The following NMNAT3 variants were observed in gnomAD, a reference collection of about 807,000 sequenced individuals.
NMNAT3 encodes nicotinamide/nicotinic acid mononucleotide adenylyltransferase 3.
A neutral mutation model predicts 24.8 loss-of-function variants in NMNAT3; 21 were observed. The ratio of observed to expected loss-of-function variants is 0.85; its 90% CI spans 0.60 to 1.22. The LOEUF is 1.22. Among genes scored for constraint, NMNAT3 ranks in the 50% most tolerant of loss-of-function variants. The probability of loss-of-function intolerance (pLI) is 0.00; values close to 1 mark genes in which losing one functional copy is unlikely to be tolerated. For missense variants in NMNAT3, 387 were observed against 436.6 expected (o/e 0.89, Z 1.01); for synonymous variants, 136 against 155.2 (o/e 0.88, Z 0.92).
chr3:139,596,916 G>GTGTATGTATATATATA (rs1393197797), intron 3 of NMNAT3, among the ~76,000 whole-genome samples: 1 of 97,164 alleles, frequency 1.0e-5, no homozygotes, highest in Non-Finnish European at 2.1e-5. Flanking sequence ...TGTCATGTGT[G>GTGTATGTATATATATA]TATATATATA....
chr3:139,601,740 T>C (rs1164075506), intron 3 of NMNAT3, among the ~76,000 whole-genome samples: 3 of 152,062 alleles, frequency 2.0e-5, no homozygotes, highest in African/African-American at 7.2e-5. Context: ...TTGGACAGTC[T>C]CCAGATGGGT....
At chr3:139,628,039 C>A (rs954194835) in intron 2 of NMNAT3, among the ~76,000 whole-genome samples, 1 of 152,140 alleles carries the variant, frequency 6.6e-6, no homozygotes, top group Non-Finnish European at 1.5e-5. Context: ...GGACTGGAAC[C>A]AAGGCAGCCT....
At chr3:139,631,299 C>A (rs2056287000) in intron 2 of NMNAT3, among the ~76,000 whole-genome samples, 1 of 152,110 alleles carries the variant, frequency 6.6e-6, no homozygotes, top group African/African-American at 2.4e-5. Context: ...CCTCCCAAGC[C>A]AAACCCAGCG....
At chr3:139,623,325 C>T (rs1238583102) in intron 3 of NMNAT3, among the ~76,000 whole-genome samples, 1 of 152,112 alleles carries the variant, frequency 6.6e-6, no homozygotes, top group Non-Finnish European at 1.5e-5. Context: ...ACATCTTGTC[C>T]CACTAGAAGG....
intron 1 of NMNAT3, among the ~76,000 whole-genome samples, chr3:139,662,313 T>G (rs1333445103): frequency 3.3e-5 from 5 of 152,118 alleles, no homozygotes; most frequent in African/African-American, 1.2e-4. Context: ...ATGGGCTGTT[T>G]GACCCATCAG....
At chr3:139,624,516 C>T (rs921314124) in intron 3 of NMNAT3, among the ~76,000 whole-genome samples, 1 of 151,572 alleles carries the variant, frequency 6.6e-6, no homozygotes, top group Admixed American at 6.6e-5. Context: ...GGCACGATCT[C>T]GGCTCACTGC....
In NMNAT3 at chr3:139,583,198, T is replaced by C; in HGVS notation, c.120A>G (p.Glu40=). 1.7e-6 allele frequency: 2 copies of C among 1,208,392 alleles called. No homozygotes were observed. Among genetic ancestry groups the C allele is most frequent in the Admixed American group, 1.8e-5 (1 of 56,790 alleles). The allele number at this position is 1,208,392 out of a possible 1,614,324, so 74.9% of individuals were successfully genotyped here. Residue 40 remains glutamate (E), a synonymous_variant, in exon 4 of 7, where the codon GAA becomes GAG. Coordinates refer to ENST00000643695, the MANE Select transcript of NMNAT3 (RefSeq NM_001320510.2). ...AAACAAGTGCAACTTCATGGTCCTTTTCTTCATATTCTGGAATACAAGAAA... is the reference window on the plus strand; with the variant it reads ...AAACAAGTGCAACTTCATGGTCCTTCTCTTCATATTCTGGAATACAAGAAA...
At chr3:139,579,161 G>GA in intron 4 of NMNAT3, 106 bp from the exon 5 acceptor site, 1 of 881,814 alleles carries the variant, frequency 1.1e-6, no homozygotes, top group Non-Finnish European at 1.8e-6. Context: ...ATCCTGAGTG[G>GA]TAGTAGACTC....
At chr3:139,572,169 C>T (rs914897313) in intron 6 of NMNAT3, 1 of 398,792 alleles carries the variant, frequency 2.5e-6, no homozygotes, top group Non-Finnish European at 4.4e-6. Context: ...CTGTTCTCAG[C>T]CTGAGCCCAG....
At chr3:139,626,952 A>G (rs981125113) in intron 3 of NMNAT3, among the ~76,000 whole-genome samples, 10 of 152,210 alleles carry the variant, frequency 6.6e-5, no homozygotes, top group African/African-American at 2.4e-4. Context: ...ATACAAGTAA[A>G]TAATTTCATA....
chr3:139,626,672 A>T (rs2056064430), intron 3 of NMNAT3, among the ~76,000 whole-genome samples: 2 of 152,154 alleles, frequency 1.3e-5, no homozygotes, highest in South Asian at 4.1e-4. Context: ...TATTACTACC[A>T]GTACAGTCCT....
intron 1 of NMNAT3, among the ~76,000 whole-genome samples, chr3:139,675,143 C>CACACACAA (rs1458773383): frequency 6.6e-6 from 1 of 151,718 alleles, no homozygotes; most frequent in Non-Finnish European, 1.5e-5. Context: ...CATACACACA[C>CACACACAA]ACACACACAC....
intron 3 of NMNAT3, chr3:139,599,415 G>C (rs927774778): frequency 5.7e-6 from 4 of 702,202 alleles, no homozygotes; most frequent in Non-Finnish European, 1.0e-5. Context: ...TTCTTCCCTT[G>C]GTTGTGTTGG....
At chr3:139,664,010 G>C (rs982221261) in intron 1 of NMNAT3, among the ~76,000 whole-genome samples, 1 of 152,156 alleles carries the variant, frequency 6.6e-6, no homozygotes, top group African/African-American at 2.4e-5. Flanking sequence ...TAAGGATTAA[G>C]GTCTCTTTGT....
chr3:139,618,348 T>G (rs1032116482), intron 3 of NMNAT3, among the ~76,000 whole-genome samples: 1 of 152,212 alleles, frequency 6.6e-6, no homozygotes, highest in Non-Finnish European at 1.5e-5. Flanking sequence ...GGACTAAAGA[T>G]AGTTAAAAGT....
At chr3:139,572,131 T>C in intron 6 of NMNAT3, 1 of 398,930 alleles carries the variant, frequency 2.5e-6, no homozygotes, top group Non-Finnish European at 4.4e-6. Flanking sequence ...TGTCTCCAGC[T>C]TGAGGTGGGG....
intron 1 of NMNAT3, among the ~76,000 whole-genome samples, chr3:139,648,093 T>G (rs2056929153): frequency 6.6e-6 from 1 of 152,186 alleles, no homozygotes; most frequent in Non-Finnish European, 1.5e-5. Flanking sequence ...TCACCACATG[T>G]TGAGGGAGGG....
At chr3:139,642,515 C>T (rs1227834780) in intron 1 of NMNAT3, among the ~76,000 whole-genome samples, 4 of 152,214 alleles carry the variant, frequency 2.6e-5, no homozygotes, top group East Asian at 1.9e-4. Flanking sequence ...TTGAGCCCCA[C>T]TGTGGCGCTG....
chr3:139,631,652 TC>T (rs763449065), intron 2 of NMNAT3, among the ~76,000 whole-genome samples: 77 of 147,264 alleles, frequency 5.2e-4, no homozygotes, highest in Admixed American at 9.0e-4. Flanking sequence ...TCCCGCCCCC[TC>T]CCCAGCTTAC....
Sources: gnomAD v4.1 joint callset for allele counts (sites outside exome capture counted in the v4.1 genomes callset) on GRCh38, gnomAD v4.1.1 for gene constraint, MANE v1.5 for transcripts, NCBI Gene and HGNC (gene_info 2026-07-23, HGNC 2026-07-21) for gene names.